Variants in TPCN1 observed in about 807,000 individuals in gnomAD.
TPCN1 encodes two pore segment channel 1, also known as two pore channel protein 1.
Under a neutral mutation model 108.8 loss-of-function variants are expected in TPCN1, and 52 were observed. The observed-to-expected ratio is 0.48, with a 90% CI of 0.38 to 0.60. The LOEUF is 0.60. Ranked by LOEUF, TPCN1 falls within the 20% of genes least tolerant of loss-of-function variation. TPCN1 has a pLI of 0.00. For synonymous variants in TPCN1, 446 were observed against 433.7 expected (o/e 1.03, Z -0.35); for missense variants, 806 against 1,072.8 (o/e 0.75, Z 3.47).
chr12:113,286,650 C>T (rs1271712744), intron 18 of TPCN1, among the ~76,000 whole-genome samples: 2 of 152,200 alleles, frequency 1.3e-5, no homozygotes, highest in Non-Finnish European at 2.9e-5. Flanking sequence ...GAAGACGAGG[C>T]CTGTCTCCAG....
intron 13 of TPCN1, among the ~76,000 whole-genome samples, chr12:113,278,442 C>T (rs769692307): frequency 2.0e-5 from 3 of 152,206 alleles, no homozygotes; most frequent in Non-Finnish European, 2.9e-5. Flanking sequence ...TCGTTAACAG[C>T]ACCGAATCTT....
At chr12:113,241,717 G>T (rs1954131957) in intron 2 of TPCN1, among the ~76,000 whole-genome samples, 4 of 151,782 alleles carry the variant, frequency 2.6e-5, no homozygotes, top group Admixed American at 2.0e-4. Context: ...TCGCACAGGT[G>T]CTGTACTCTT....
intron 3 of TPCN1, among the ~76,000 whole-genome samples, chr12:113,262,692 G>T (rs1487517462): frequency 6.6e-6 from 1 of 152,140 alleles, no homozygotes; most frequent in East Asian, 1.9e-4. Context: ...TAAGGATCCT[G>T]ATCATTCCTT....
intron 2 of TPCN1, among the ~76,000 whole-genome samples, chr12:113,239,940 G>A (rs1042484183): frequency 2.0e-5 from 3 of 152,052 alleles, no homozygotes; most frequent in Non-Finnish European, 4.4e-5. Context: ...CTGGCTAATG[G>A]CTTGGAGCTG....
At chr12:113,221,947 T>C (rs7297749) in intron 1 of TPCN1, among the ~76,000 whole-genome samples, 15,711 of 152,112 alleles carry the variant, frequency 0.1, 931 homozygotes, top group East Asian at 0.21. Context: ...CTGGCGCCCT[T>C]AGGTGACCCC....
intron 3 of TPCN1, 118 bp downstream of exon 3, chr12:113,260,610 T>C: frequency 7.7e-7 from 1 of 1,298,552 alleles, no homozygotes; most frequent in South Asian, 1.5e-5. Flanking sequence ...CTGCTGCTGC[T>C]CGTGTGTGAG....
At chr12:113,256,922 C>T (rs1200606400) in intron 2 of TPCN1, among the ~76,000 whole-genome samples, 2 of 152,056 alleles carry the variant, frequency 1.3e-5, no homozygotes, top group Non-Finnish European at 2.9e-5. Context: ...GTTTTAGTGA[C>T]CTTTGAAAGG....
In TPCN1 at chr12:113,291,062, C is replaced by T. The variant is rs574537044; in HGVS notation, c.1959+64C>T. On this transcript the variant is annotated intron_variant, in intron 23 of 27. Transcript: ENST00000335509. ...GCCCTGGGGTCGGCCCTGGGTCTCC[C>T]CCAACCCAGAGTATATAATTCTTCC... is the stretch of plus-strand genomic sequence containing the variant. 2.7e-5 allele frequency: 39 copies of T among 1,456,028 alleles called. No homozygotes were observed. In the South Asian group the frequency reaches 4.3e-4, roughly 16 times the overall value. 90.2% of individuals were successfully genotyped at this position (1,456,028 alleles called of 1,614,324 possible). A position where few individuals can be genotyped will look rare whatever the true frequency, so the allele number is the denominator to read the frequency against.
intron 15 of TPCN1, among the ~76,000 whole-genome samples, chr12:113,283,427 G>T (rs989073188): frequency 2.6e-5 from 4 of 151,904 alleles, no homozygotes; most frequent in African/African-American, 9.7e-5. Flanking sequence ...TTGAGCCCAG[G>T]GGTTCAAAAC....
Position 113,274,308 on chromosome 12 carries a change from C to T in TPCN1, c.942+640C>T, listed in dbSNP as rs145647938. Among the ~76,000 whole-genome samples, 1,057 of 152,022 alleles carry T rather than the reference C, an allele frequency of 7.0e-3. 5 individuals are homozygous for T. Among genetic ancestry groups the T allele is most frequent in the African/African-American group, 0.023 (967 of 41,434 alleles). On this transcript the variant is annotated intron_variant, in intron 10 of 27. Coordinates refer to ENST00000335509, the MANE Select transcript of TPCN1 (RefSeq NM_017901.6). ...TCTCTACTTATGAAAATTAGCTGGG[C>T]GTGGTGGTGGGTGCCTGTAATCCCA...
In TPCN1 at chr12:113,269,732, C is replaced by G; in HGVS notation, c.660-25C>G. On this transcript the variant is annotated intron_variant, in intron 6 of 27. Coordinates refer to ENST00000335509, the MANE Select transcript of TPCN1 (RefSeq NM_017901.6). This position sits in a 1 kb window ranked among gnomAD's most constrained non-coding sequence, Gnocchi z 5.0. ...GCAGCCCGCCCCAGCTGGTGCCTCC[C>G]CTGAGCTGGCCCATCTCTCCCCAGC... is the stretch of plus-strand genomic sequence containing the variant. The G allele has an allele frequency of 1.2e-6, 2 of 1,610,740 alleles. No homozygotes were observed. The highest frequency in any genetic ancestry group is 2.2e-5 in the South Asian group (2 of 91,028).
chr12:113,291,102 C>T (rs888046196), intron 23 of TPCN1, 104 bp downstream of exon 23: 64 of 1,154,876 alleles, frequency 5.5e-5, no homozygotes, highest in Admixed American at 1.7e-5. Flanking sequence ...GCTTGCAGGG[C>T]TGGGGGTCTT....
chr12:113,276,487 G>A (rs973401603), intron 10 of TPCN1, among the ~76,000 whole-genome samples: 86 of 152,152 alleles, frequency 5.7e-4, no homozygotes, highest in Non-Finnish European at 1.0e-3. Flanking sequence ...CTTCTGGATC[G>A]GAGGTCAGGA....
At position 113,268,709 on chromosome 12, in the gene TPCN1, G is replaced by C; in HGVS notation, c.529-33G>C. Reference sequence around the variant, plus strand: ...ATGCAGGATGACGGCTGGGCTGCAGGGGCTGACGGTGCTCCATGCCTGCCA... The same window carrying C: ...ATGCAGGATGACGGCTGGGCTGCAGCGGCTGACGGTGCTCCATGCCTGCCA... On this transcript the variant is annotated intron_variant, in intron 5 of 27. Transcript: ENST00000335509. The surrounding 1 kb of genome is among the most constrained non-coding windows in gnomAD (Gnocchi z 7.3). The C allele has an allele frequency of 6.2e-7, 1 of 1,610,510 alleles. No homozygotes were observed. Among genetic ancestry groups the C allele is most frequent in the Non-Finnish European group, 8.5e-7 (1 of 1,179,106 alleles).
At chr12:113,227,339 C>T (rs963131736) in intron 2 of TPCN1, among the ~76,000 whole-genome samples, 1 of 152,198 alleles carries the variant, frequency 6.6e-6, no homozygotes. Flanking sequence ...CACCAGCCTC[C>T]GTCTGTCCCC....
intron 19 of TPCN1, chr12:113,287,383 T>C (rs922860837): frequency 2.5e-6 from 1 of 404,786 alleles, no homozygotes; most frequent in Non-Finnish European, 4.5e-6. Context: ...GGAGCCCATA[T>C]GCTCAAGTCA....
chr12:113,223,435 C>CTTTTTTTTTTTTTTTTTTTTTT (rs1172851714), intron 1 of TPCN1, among the ~76,000 whole-genome samples: 2 of 120,288 alleles, frequency 1.7e-5, no homozygotes, highest in African/African-American at 6.3e-5. Flanking sequence ...TCTGCTGAGT[C>CTTTTTTTTTTTTTTTTTTTTTT]TTTTTTTTTT....
chr12:113,234,320 G>A (rs568732046), intron 2 of TPCN1, among the ~76,000 whole-genome samples: 4 of 152,318 alleles, frequency 2.6e-5, no homozygotes, highest in South Asian at 2.1e-4. Flanking sequence ...AAATTTGGGC[G>A]GAAAATGGGA....
Position 113,267,814 on chromosome 12 carries a change from T to C in TPCN1, c.415-29T>C, listed in dbSNP as rs764881482. 2.6e-6 allele frequency: 4 copies of C among 1,538,060 alleles called. No individual in the cohort carries two copies. The South Asian group carries it at 4.5e-5, about 17-fold the overall frequency. On this transcript the variant is annotated intron_variant, in intron 4 of 27. Coordinates refer to ENST00000335509, the MANE Select transcript of TPCN1 (RefSeq NM_017901.6). ...GAGTGGCCATGGGCTGGGCTGGCCA[T>C]GACACATCTCCACACCCTCTGGTCT...
Sources: allele counts gnomAD v4.1 joint callset (sites outside exome capture counted in the v4.1 genomes callset), GRCh38; gene constraint gnomAD v4.1.1; non-coding constraint Gnocchi (gnomAD v3.1); transcripts MANE v1.5; gene names NCBI Gene and HGNC (gene_info 2026-07-23, HGNC 2026-07-21).